NLRP12: variants seen among roughly 807,000 people sequenced by gnomAD.
The protein encoded by NLRP12 is NACHT, LRR and PYD domains-containing protein 12.
Under a neutral mutation model 91.2 loss-of-function variants are expected in NLRP12, and 108 were observed. That is an observed-to-expected ratio of 1.18 (90% CI 1.01 to 1.39). The LOEUF (loss-of-function observed/expected upper bound fraction) is 1.39, where lower values mean the gene tolerates loss of function less well. Ranked by LOEUF, NLRP12 falls within the 40% of genes most tolerant of loss-of-function variation. The pLI is 0.00. For synonymous variants in NLRP12, 613 were observed against 566.7 expected, an observed-to-expected ratio of 1.08 and a Z score of -1.16; for missense variants, 1,530 against 1,352.7, an observed-to-expected ratio of 1.13 and a Z score of -2.06.
chr19:53,793,704 C>G (rs1316655684), downstream of NLRP12: 2 of 341,064 alleles, frequency 5.9e-6, no homozygotes, highest in Non-Finnish European at 1.1e-5. Context: ...CCTGCCTCAG[C>G]CTCCTGAGTA....
In NLRP12 at chr19:53,807,621, G is replaced by T; in HGVS notation, c.2117C>A (p.Ala706Glu). The change falls in exon 4 of 10, where the codon GCA becomes GAA. Residue 706 changes from alanine (A) to glutamate (E), a missense_variant. Coordinates refer to ENST00000324134, the MANE Select transcript of NLRP12 (RefSeq NM_144687.4). ...VLLDAYSEHL[A>E]AALCTNPNLI... ...GTTTGGATTGGTGCACAGGGCCGCT[G>T]CCAGATGTTCACTGTAGGCGTCCAG... 1 of 1,614,146 alleles carries T rather than the reference G, an allele frequency of 6.2e-7. No homozygotes were observed. The highest frequency in any genetic ancestry group is 2.2e-5 in the East Asian group (1 of 44,874).
intron 1 of NLRP12, among the ~76,000 whole-genome samples, chr19:53,823,490 A>T (rs1568703165): frequency 1.2e-5 from 1 of 83,072 alleles, no homozygotes; most frequent in Non-Finnish European, 2.4e-5. Context: ...ATATTTTAAA[A>T]TATATTTATT....
In NLRP12 at chr19:53,810,777, G is replaced by C. The variant is rs147080557; in HGVS notation, c.882C>G (p.Asp294Glu). Residue 294 changes from aspartate (D) to glutamate (E), a missense_variant, in exon 3 of 10, where the codon GAC (aspartate) becomes GAG (glutamate). Coordinates refer to ENST00000324134, the MANE Select transcript of NLRP12 (RefSeq NM_144687.4). Reference protein sequence around the residue: ...RVPERLLFIIDGFDELKPSFH... With the variant: ...RVPERLLFIIEGFDELKPSFH... ...AAGAAGGCTTGAGCTCATCGAAGCCGTCGATGATGAAAAGGAGGCGCTCGG... is the reference window on the plus strand; with the variant it reads ...AAGAAGGCTTGAGCTCATCGAAGCCCTCGATGATGAAAAGGAGGCGCTCGG... 8.1e-6 allele frequency: 13 copies of C among 1,613,970 alleles called. No homozygotes were observed. Among genetic ancestry groups the C allele is most frequent in the Non-Finnish European group, 1.1e-5 (13 of 1,180,040 alleles).
At chr19:53,802,685 C>T (rs1049942425) in intron 6 of NLRP12, among the ~76,000 whole-genome samples, 10 of 149,484 alleles carry the variant, frequency 6.7e-5, no homozygotes, top group African/African-American at 1.2e-4. Context: ...CCAGCCTGGG[C>T]GACAGAGCAA....
intron 1 of NLRP12, among the ~76,000 whole-genome samples, chr19:53,815,261 C>T (rs544760930): frequency 8.7e-5 from 11 of 126,756 alleles, no homozygotes; most frequent in African/African-American, 3.2e-4. Context: ...CGGAGTCTTG[C>T]TCTGTTGCCC....
rs372727768 is a variant in NLRP12, at chr19:53,802,368, C to T, written c.2586-971G>A. ...ATTGGGGAAATACAAATGAAAACCACGATAAGATAGCATCTCATACCCATT... is the reference window on the plus strand; with the variant it reads ...ATTGGGGAAATACAAATGAAAACCATGATAAGATAGCATCTCATACCCATT... On this transcript the variant is annotated intron_variant, in intron 6 of 9. Transcript: ENST00000324134. 1.2e-4 allele frequency among the ~76,000 whole-genome samples: 19 copies of T among 152,046 alleles called. No homozygotes were observed. The South Asian group carries it at 2.5e-3, about 20-fold the overall frequency.
rs761571455 is a variant in NLRP12 at position 53,810,014 on chromosome 19, C to A, written c.1645G>T (p.Ala549Ser). ...QDVTRLLTEYAFSERSFLALT... is the reference protein window; with the variant it reads ...QDVTRLLTEYSFSERSFLALT... Reference sequence around the variant, plus strand: ...GCCAGGAAGCTCCTTTCAGAAAACGCGTACTCGGTCAACAGCCTGGTCACG... The same window carrying A: ...GCCAGGAAGCTCCTTTCAGAAAACGAGTACTCGGTCAACAGCCTGGTCACG... Residue 549 changes from alanine (A) to serine (S), a missense_variant, in exon 3 of 10, where the codon GCG becomes TCG. Physicochemically the swap from Ala to Ser is moderately conservative, Grantham distance 99 (BLOSUM62 1). Coordinates refer to ENST00000324134, the MANE Select transcript of NLRP12 (RefSeq NM_144687.4). 3 of 1,614,098 alleles carry A rather than the reference C, an allele frequency of 1.9e-6. No homozygotes were observed. The highest frequency in any genetic ancestry group is 1.3e-5 in the African/African-American group (1 of 75,036).
chr19:53,803,498 A>T (rs575073692), intron 6 of NLRP12, among the ~76,000 whole-genome samples: 70 of 151,232 alleles, frequency 4.6e-4, no homozygotes, highest in Non-Finnish European at 7.8e-4. Flanking sequence ...GAACTTTTTC[A>T]TCTTCCGAAA....
intron 2 of NLRP12, among the ~76,000 whole-genome samples, chr19:53,812,806 T>C (rs2092096796): frequency 1.3e-5 from 2 of 152,192 alleles, no homozygotes; most frequent in South Asian, 4.1e-4. Flanking sequence ...ACACATAAAA[T>C]TTACCATTTT....
chr19:53,818,679 A>G (rs10424405), intron 1 of NLRP12, among the ~76,000 whole-genome samples: 39,709 of 151,990 alleles, frequency 0.26, 5,618 homozygotes, highest in African/African-American at 0.39. Context: ...AAATAAATAA[A>G]TAAAAATAAA....
chr19:53,802,735 G>A (rs1390061590), intron 6 of NLRP12, among the ~76,000 whole-genome samples: 1 of 151,498 alleles, frequency 6.6e-6, no homozygotes, highest in Non-Finnish European at 1.5e-5. Context: ...TGGGGAAGAT[G>A]GTACATTTTA....
intron 4 of NLRP12, 92 bp from the exon 5 acceptor site, chr19:53,805,542 CAG>C (rs2091945830): frequency 4.7e-6 from 6 of 1,277,032 alleles, no homozygotes; most frequent in Non-Finnish European, 6.4e-6. Context: ...TTTTCTGAGA[CAG>C]AGTCGCTCTG....
chr19:53,805,363 G>A lies in NLRP12; in HGVS notation c.2331C>T (p.Leu777=). ...IANKNLTRMD[L]SGNGVGFPGM... is the part of the protein sequence containing the mutation. ...CTGGGAATCCAACGCCGTTGCCACT[G>A]AGATCCATCCTTGTCAAATTCTTAT... The change falls in exon 5 of 10, where the codon CTC becomes CTT. Residue 777 remains leucine, a synonymous_variant. Coordinates refer to ENST00000324134, the MANE Select transcript of NLRP12 (RefSeq NM_144687.4). The A allele has an allele frequency of 6.2e-7, 1 of 1,614,118 alleles. No individual in the cohort carries two copies. The highest frequency in any genetic ancestry group is 8.5e-7 in the Non-Finnish European group (1 of 1,180,016).
At chr19:53,805,159 A>G in intron 5 of NLRP12, 121 bp downstream of exon 5, 2 of 1,041,242 alleles carry the variant, frequency 1.9e-6, no homozygotes, top group Admixed American at 3.9e-5. Context: ...GTCTTAGGTC[A>G]TGGGGTTAAG....
chr19:53,820,687 AATT>A lies in NLRP12; in HGVS notation c.289+3196_289+3198del, dbSNP rs1320166727. ...AGTGAGACCCTATCTCTAAAAAATA[AATT>A]ATTTTTTTTTTTTTTGAGACGGAGT... is the stretch of plus-strand genomic sequence containing the variant. On this transcript the variant is annotated intron_variant, in intron 1 of 9. Coordinates refer to ENST00000324134, the MANE Select transcript of NLRP12 (RefSeq NM_144687.4). Among the ~76,000 whole-genome samples, 4 of 110,406 alleles carry A rather than the reference AATT, an allele frequency of 3.6e-5. No homozygotes were observed. In the Admixed American group the frequency reaches 4.2e-4, roughly 12 times the overall value. 72.4% of individuals were successfully genotyped at this position (110,406 alleles called of 152,430 possible). A position where few individuals can be genotyped will look rare whatever the true frequency, so the allele number is the denominator to read the frequency against.
At chr19:53,818,630 A>C (rs879817690) in intron 1 of NLRP12, among the ~76,000 whole-genome samples, 47 of 152,008 alleles carry the variant, frequency 3.1e-4, no homozygotes, top group Non-Finnish European at 6.0e-4. Context: ...GCACCACTGC[A>C]CTCCGGCCTG....
At chr19:53,823,104 T>TACAGACACATATATATACACATATATAC (rs2092282841) in intron 1 of NLRP12, among the ~76,000 whole-genome samples, 8 of 141,190 alleles carry the variant, frequency 5.7e-5, no homozygotes, top group Admixed American at 1.5e-4. Flanking sequence ...CACACACATA[T>TACAGACACATATATATACACATATATAC]ACACACACAT....
chr19:53,809,558 GCCCCAGGGGATA>G lies in NLRP12; in HGVS notation c.2072+17_2072+28del, dbSNP rs2092022502. The G allele has an allele frequency of 1.8e-6, 2 of 1,106,204 alleles. No individual in the cohort carries two copies. The highest frequency in any genetic ancestry group is 3.1e-5 in the African/African-American group (2 of 64,302). 68.5% of individuals were successfully genotyped at this position (1,106,204 alleles called of 1,614,324 possible). A position where few individuals can be genotyped will look rare whatever the true frequency, so the allele number is the denominator to read the frequency against. Reference sequence around the variant, plus strand: ...AAAAAAAAACACACGAACCTAAGCAGCCCCAGGGGATACCCCAGGGATACTTACAGCTGCACC... The same window carrying G: ...AAAAAAAAACACACGAACCTAAGCAGCCCCAGGGATACTTACAGCTGCACC... On this transcript the variant is annotated intron_variant, in intron 3 of 9. Coordinates refer to ENST00000324134, the MANE Select transcript of NLRP12 (RefSeq NM_144687.4).
intron 1 of NLRP12, among the ~76,000 whole-genome samples, chr19:53,820,061 C>CA (rs1222421090): frequency 6.6e-6 from 1 of 152,012 alleles, no homozygotes; most frequent in Non-Finnish European, 1.5e-5. Flanking sequence ...TGTGTATATC[C>CA]AGTTATTGGC....
Sources: gnomAD v4.1 joint callset for allele counts (sites outside exome capture counted in the v4.1 genomes callset) on GRCh38, gnomAD v4.1.1 for gene constraint, MANE v1.5 for transcripts, NCBI Gene and HGNC (gene_info 2026-07-23, HGNC 2026-07-21) for gene names.